The following GPR137B variants were observed in gnomAD, a reference collection of about 807,000 sequenced individuals.
The protein encoded by GPR137B is G protein-coupled receptor 137B, also known as integral membrane protein GPR137B.
A neutral mutation model predicts 42.5 loss-of-function variants in GPR137B; 42 were observed. The observed-to-expected ratio is 0.99, with a 90% confidence interval of 0.77 to 1.28. The LOEUF is 1.28. Ranked by LOEUF, GPR137B falls within the 50% of genes most tolerant of loss-of-function variation. The pLI, the probability that GPR137B is intolerant of heterozygous loss-of-function variation, is 0.00. For missense variants in GPR137B, 487 were observed against 493.9 expected, an observed-to-expected ratio of 0.99 and a Z score of 0.13; for synonymous variants, 218 against 209.7, an observed-to-expected ratio of 1.04 and a Z score of -0.34.
At position 236,178,509 on chromosome 1, in the gene GPR137B, G is replaced by A. The variant is rs749234684; in HGVS notation, c.560G>A (p.Arg187Lys). 4 of 1,613,142 alleles carry A rather than the reference G, an allele frequency of 2.5e-6. No individual in the cohort carries two copies. In the African/African-American group the frequency reaches 5.3e-5, roughly 22 times the overall value. The change falls in exon 3 of 7, where the codon AGG becomes AAG. Residue 187 changes from arginine (R) to lysine (K), a missense_variant. Coordinates refer to ENST00000366592, the MANE Select transcript of GPR137B (RefSeq NM_003272.4). ...CTGGTAAAGACGGGAAATTGGGAGA[G>A]GAAGGTTATCGTCTCTGTGCGAGTG... ...AVLVKTGNWE[R>K]KVIVSVRVAI...
intron 5 of GPR137B, among the ~76,000 whole-genome samples, chr1:236,192,748 T>C (rs1424465974): frequency 6.6e-6 from 1 of 152,112 alleles, no homozygotes; most frequent in Non-Finnish European, 1.5e-5. Context: ...TCTGTGTCGA[T>C]CTCGCTGGGA....
intron 5 of GPR137B, among the ~76,000 whole-genome samples, chr1:236,195,521 A>C (rs1055414784): frequency 3.9e-5 from 6 of 152,128 alleles, no homozygotes; most frequent in African/African-American, 1.4e-4. Context: ...ATGAACACTT[A>C]GGTTGCTTCC....
rs973942302 is a variant in GPR137B, at chr1:236,183,840, T to C, written c.900T>C (p.Val300=). 6 of 1,604,008 alleles carry C rather than the reference T, an allele frequency of 3.7e-6. No homozygotes were observed. The African/African-American group carries it at 6.7e-5, about 18-fold the overall frequency. Residue 300 remains valine (V), a synonymous_variant, in exon 5 of 7, where the codon GTT becomes GTC. Transcript: ENST00000366592. ...GYVLFGVVLF[V]WELLPTTLVV... The stretch of plus-strand genomic sequence containing the variant: ...TATTATTTGGAGTGGTGTTATTTGT[T>C]TGGGAACTCTTACCTACCACCTTAG...
intron 2 of GPR137B, among the ~76,000 whole-genome samples, chr1:236,173,011 G>C (rs1011113124): frequency 6.6e-6 from 1 of 151,296 alleles, no homozygotes; most frequent in East Asian, 2.0e-4. Context: ...CTTTCTTTAA[G>C]TGAAAAAGCA....
chr1:236,184,835 C>T (rs1662976202), intron 5 of GPR137B, among the ~76,000 whole-genome samples: 1 of 152,004 alleles, frequency 6.6e-6, no homozygotes, highest in Admixed American at 6.6e-5. Context: ...GGCGCGATCT[C>T]AGCTCACTGC....
At position 236,208,238 on chromosome 1, in the gene GPR137B, C is replaced by T; in HGVS notation, c.*80C>T. 3 of 1,552,364 alleles carry T rather than the reference C, an allele frequency of 1.9e-6. No homozygotes were observed. Among genetic ancestry groups the T allele is most frequent in the Non-Finnish European group, 2.6e-6 (3 of 1,152,716 alleles). On this transcript the variant is annotated 3_prime_UTR_variant, in exon 7 of 7. Coordinates refer to ENST00000366592, the MANE Select transcript of GPR137B (RefSeq NM_003272.4). ...TAGTGACAGCTGAATTTTTAGGGCA[C>T]TTTTCCTTAAGAAATAGAACTTGAT...
chr1:236,178,738 C>A, intron 3 of GPR137B, 102 bp downstream of exon 3: 2 of 577,128 alleles, frequency 3.5e-6, no homozygotes, highest in Non-Finnish European at 6.2e-6. Context: ...CTTGATTTTG[C>A]CTTGACTTTC....
intron 1 of GPR137B, among the ~76,000 whole-genome samples, chr1:236,147,089 G>A (rs901066297): frequency 1.3e-5 from 2 of 152,202 alleles, no homozygotes; most frequent in Non-Finnish European, 1.5e-5. Flanking sequence ...GATTGCAGGC[G>A]TGAGCCACTG....
At chr1:236,144,069 T>G (rs531279891) in intron 1 of GPR137B, among the ~76,000 whole-genome samples, 17 of 142,350 alleles carry the variant, frequency 1.2e-4, no homozygotes, top group Admixed American at 8.0e-4. Flanking sequence ...AGCAGGCATC[T>G]CATTCCTTTT....
rs1406669021 is a variant in GPR137B, at chr1:236,178,299, C to A, written c.465-115C>A. The A allele has an allele frequency of 9.0e-6, 6 of 670,240 alleles. No homozygotes were observed. In the East Asian group the frequency reaches 1.5e-4, roughly 17 times the overall value. The allele number at this position is 670,240 out of a possible 1,614,324, so 41.5% of individuals were successfully genotyped here. A position where few individuals can be genotyped will look rare whatever the true frequency, so the allele number is the denominator to read the frequency against. ...GGAACGTCTATTGCCAGAGTCCAAG[C>A]TCTTAAATGTCACCTTTGGTGTGTC... is the stretch of plus-strand genomic sequence containing the variant. On this transcript the variant is annotated intron_variant, in intron 2 of 6. Transcript: ENST00000366592.
intron 1 of GPR137B, among the ~76,000 whole-genome samples, chr1:236,153,043 A>G (rs2102892724): frequency 6.6e-6 from 1 of 151,624 alleles, no homozygotes; most frequent in Middle Eastern, 3.4e-3. Context: ...GAGACAGAGC[A>G]ATACTCCATC....
At chr1:236,143,616 C>CA (rs1415268458) in intron 1 of GPR137B, among the ~76,000 whole-genome samples, 6 of 152,186 alleles carry the variant, frequency 3.9e-5, no homozygotes, top group African/African-American at 1.2e-4. Context: ...TGCTAAACAG[C>CA]AGGCTGGGGT....
At chr1:236,147,415 G>A (rs1373044043) in intron 1 of GPR137B, among the ~76,000 whole-genome samples, 1 of 152,182 alleles carries the variant, frequency 6.6e-6, no homozygotes, top group Admixed American at 6.5e-5. Context: ...CCTTCTTCAG[G>A]GGGCAGCCAC....
In GPR137B at chr1:236,155,209, C is replaced by A. The variant is rs1558479972; in HGVS notation, c.414+12173C>A. On this transcript the variant is annotated intron_variant, in intron 1 of 6. Coordinates refer to ENST00000366592, the MANE Select transcript of GPR137B (RefSeq NM_003272.4). The surrounding 1 kb of genome is among the most constrained non-coding windows in gnomAD (Gnocchi z 4.6). Reference sequence around the variant, plus strand: ...TGAAGCGGCCGGGCCGCAGCTATTCCTGCGGGGCTTCCAGGGCGGAGGACA... The same window carrying A: ...TGAAGCGGCCGGGCCGCAGCTATTCATGCGGGGCTTCCAGGGCGGAGGACA... Among the ~76,000 whole-genome samples, 1 of 152,364 alleles carries A rather than the reference C, an allele frequency of 6.6e-6. No individual in the cohort carries two copies. Among genetic ancestry groups the A allele is most frequent in the East Asian group, 1.9e-4 (1 of 5,180 alleles).
At position 236,145,758 on chromosome 1, in the gene GPR137B, C is replaced by T. The variant is rs143498758; in HGVS notation, c.414+2722C>T. Among the ~76,000 whole-genome samples, 420 of 152,342 alleles carry T rather than the reference C, an allele frequency of 2.8e-3. 3 individuals carry two copies. Among genetic ancestry groups the T allele is most frequent in the African/African-American group, 9.7e-3 (404 of 41,586 alleles). On this transcript the variant is annotated intron_variant, in intron 1 of 6. Coordinates refer to ENST00000366592, the MANE Select transcript of GPR137B (RefSeq NM_003272.4). ...CATTTTCCAGAGGAGGAAACTGAGG[C>T]TGAGAGGTCGTAGATGACTTGCTCA...
In GPR137B at chr1:236,142,818, C is replaced by T; in HGVS notation, c.196C>T (p.Leu66=). Residue 66 remains leucine, a synonymous_variant, in exon 1 of 7, where the codon CTG becomes TTG. Coordinates refer to ENST00000366592, the MANE Select transcript of GPR137B (RefSeq NM_003272.4). ...LFVFIYVQLW[L]VLRYRHKRLS... ...CGTGTTCATCTACGTGCAGCTCTGG[C>T]TGGTGCTGCGTTACCGCCACAAGCG... The T allele has an allele frequency of 6.2e-7, 1 of 1,614,044 alleles. No individual in the cohort carries two copies. The highest frequency in any genetic ancestry group is 8.5e-7 in the Non-Finnish European group (1 of 1,179,914).
At chr1:236,164,180 T>C (rs1462213534) in intron 1 of GPR137B, among the ~76,000 whole-genome samples, 1 of 152,232 alleles carries the variant, frequency 6.6e-6, no homozygotes, top group African/African-American at 2.4e-5. Context: ...TCCTCCTTTT[T>C]ACAATTCTTG....
chr1:236,193,016 T>A (rs1314861087), intron 5 of GPR137B, among the ~76,000 whole-genome samples: 5 of 152,170 alleles, frequency 3.3e-5, no homozygotes, highest in Non-Finnish European at 7.4e-5. Context: ...TGCCTCAGAC[T>A]CCCAAATAGC....
chr1:236,204,927 C>T (rs1254207), intron 5 of GPR137B, among the ~76,000 whole-genome samples, 199 bp from the exon 6 acceptor site: 83,345 of 151,972 alleles, frequency 0.55, 25,862 homozygotes, highest in East Asian at 0.85. Flanking sequence ...TGATAGAAGA[C>T]TTTGCCCATA....
Sources: gnomAD v4.1 joint callset for allele counts (sites outside exome capture counted in the v4.1 genomes callset) on GRCh38, gnomAD v4.1.1 for gene constraint, Gnocchi (gnomAD v3.1) non-coding constraint, MANE v1.5 for transcripts, NCBI Gene and HGNC (gene_info 2026-07-23, HGNC 2026-07-21) for gene names.